The following RPS20 variants were observed in gnomAD, a reference collection of about 807,000 sequenced individuals.
The protein encoded by RPS20 is small ribosomal subunit protein uS10.
In RPS20, 3 loss-of-function variants were observed where a neutral mutation model predicts 15.3. The ratio of observed to expected loss-of-function variants is 0.20; its 90% CI spans 0.09 to 0.51. RPS20 has a LOEUF of 0.51. Among genes scored for constraint, RPS20 ranks in the 20% least tolerant of loss-of-function variants. The pLI, the probability that RPS20 is intolerant of heterozygous loss-of-function variation, is 0.96. For missense variants in RPS20, 67 were observed against 145.9 expected (o/e 0.46, Z 2.79); for synonymous variants, 62 against 47.8 (o/e 1.30, Z -1.23).
At position 56,073,697 on chromosome 8, in the gene RPS20, T is replaced by C; in HGVS notation, c.175A>G (p.Lys59Glu). 1 of 1,613,296 alleles carries C rather than the reference T, an allele frequency of 6.2e-7. No individual in the cohort carries two copies. The highest frequency in any genetic ancestry group is 8.5e-7 in the Non-Finnish European group (1 of 1,179,390). ...KVKGPVRMPT[K>E]TLRITTRKTP... ...CCTGCCCCTCCGATTTACTTTACCT[T>C]GGTAGGCATTCGAACTGGTCCTTTC... The change falls in exon 3 of 4, where the codon AAG becomes GAG. Residue 59 changes from lysine to glutamate, a missense_variant and splice_region_variant. By Grantham distance (56) the Lys-to-Glu change is moderately conservative. Coordinates refer to ENST00000009589, the MANE Select transcript of RPS20 (RefSeq NM_001023.4).
At chr8:56,072,548 T>TCC (rs148676649), downstream of RPS20, among the ~76,000 whole-genome samples, 116 of 95,970 alleles carry the variant, frequency 1.2e-3, no homozygotes, top group Non-Finnish European at 1.2e-3. Context: ...CAAAACGCCG[T>TCC]CCCCCCCCCC....
chr8:56,073,823 G>A (rs993306716), intron 2 of RPS20, 55 bp from the exon 3 acceptor site: 20 of 1,494,160 alleles, frequency 1.3e-5, no homozygotes, highest in South Asian at 7.9e-5. Context: ...ATCGGCTTAA[G>A]GCCTTCACTT....
Position 56,074,405 on chromosome 8 carries a change from TGACC to T in RPS20, c.-26_-23del. The T allele has an allele frequency of 6.4e-7, 1 of 1,556,720 alleles. No individual in the cohort carries two copies. The highest frequency in any genetic ancestry group is 8.6e-7 in the Non-Finnish European group (1 of 1,157,072). On this transcript the variant is annotated 5_prime_UTR_variant, in exon 1 of 4. Coordinates refer to ENST00000009589, the MANE Select transcript of RPS20 (RefSeq NM_001023.4). ...CCATGGCTGTTGCGCGCGGGCTTCC[TGACC>T]GACTTGTTCCTCGGCGAGAGCGAAC... is the stretch of plus-strand genomic sequence containing the variant.
chr8:56,073,529 CT>C, intron 3 of RPS20, 165 bp downstream of exon 3: 4 of 673,520 alleles, frequency 5.9e-6, no homozygotes, highest in Non-Finnish European at 8.0e-6. Flanking sequence ...ACAATCATAT[CT>C]AAACATTAGC....
downstream of RPS20, among the ~76,000 whole-genome samples, chr8:56,071,527 A>C (rs1397953115): frequency 3.9e-5 from 6 of 152,230 alleles, no homozygotes; most frequent in Admixed American, 1.3e-4. Flanking sequence ...TAGACTCAGA[A>C]GGAATTGGAT....
downstream of RPS20, chr8:56,068,416 T>C (rs1809664573): frequency 6.6e-6 from 1 of 151,594 alleles, no homozygotes; most frequent in Non-Finnish European, 1.5e-5. Context: ...TGCACACCTG[T>C]AGTCTCAGCT....
In RPS20 at chr8:56,074,044, T is replaced by C. The variant is rs568893247; in HGVS notation, c.103+16A>G. On this transcript the variant is annotated intron_variant, in intron 2 of 3. Coordinates refer to ENST00000009589, the MANE Select transcript of RPS20 (RefSeq NM_001023.4). Reference sequence around the variant, plus strand: ...CGCCCAATTCCCCCTCCCCCCCGCATAACGAATGCACTGACCCTTTTCCAA... The same window carrying C: ...CGCCCAATTCCCCCTCCCCCCCGCACAACGAATGCACTGACCCTTTTCCAA... 1.3e-6 allele frequency: 2 copies of C among 1,589,452 alleles called. No homozygotes were observed. The highest frequency in any genetic ancestry group is 2.2e-5 in the East Asian group (1 of 44,732).
chr8:56,072,850 T>C (rs1057428988), downstream of RPS20: 9 of 1,214,322 alleles, frequency 7.4e-6, no homozygotes, highest in East Asian at 3.8e-5. Flanking sequence ...GCCAAAGTTA[T>C]AAACTGCCAG....
chr8:56,069,729 A>T, downstream of RPS20: 3 of 1,551,396 alleles, frequency 1.9e-6, no homozygotes, highest in African/African-American at 1.4e-5. Context: ...TTGGCGGAGG[A>T]GAATGCAGTT....
At position 56,073,290 on chromosome 8, in the gene RPS20, G is replaced by C. The variant is rs753827762; in HGVS notation, c.178-18C>G. 6.7e-7 allele frequency: 1 copy of C among 1,502,014 alleles called. No individual in the cohort carries two copies. The highest frequency in any genetic ancestry group is 9.2e-7 in the Non-Finnish European group (1 of 1,081,094). 93.0% of individuals were successfully genotyped at this position (1,502,014 alleles called of 1,614,324 possible). ...CTCAAAGTCTGTAACAAAAGACAAA[G>C]GAAACCAAGTGTTTATCGTTTTATA... On this transcript the variant is annotated intron_variant, in intron 3 of 3. Transcript: ENST00000009589.
downstream of RPS20, among the ~76,000 whole-genome samples, chr8:56,070,967 C>A (rs187629845): frequency 6.6e-6 from 1 of 152,168 alleles, no homozygotes; most frequent in African/African-American, 2.4e-5. Flanking sequence ...TTTAATCTAT[C>A]CTGAATTCCC....
At chr8:56,070,222 G>A (rs984257447), downstream of RPS20, among the ~76,000 whole-genome samples, 2 of 152,110 alleles carry the variant, frequency 1.3e-5, no homozygotes, top group African/African-American at 4.8e-5. Flanking sequence ...CAGAGACAGT[G>A]AACACCCATA....
downstream of RPS20, among the ~76,000 whole-genome samples, chr8:56,069,483 G>A (rs4276661): frequency 0.041 from 6,240 of 152,146 alleles, 432 homozygotes; most frequent in African/African-American, 0.14. Context: ...ATTTTTAGTA[G>A]AGGCAGGGTT....
downstream of RPS20, among the ~76,000 whole-genome samples, chr8:56,068,807 CTTTTTTTTTTTTTTTTT>C (rs61576194): frequency 0.012 from 323 of 27,698 alleles, 2 homozygotes; most frequent in South Asian, 0.039. Context: ...GTGAAAATAT[CTTTTTTTTTTTTTTTTT>C]TTTTTTTTTT....
chr8:56,073,530 T>G (rs2085221364), intron 3 of RPS20, 165 bp downstream of exon 3: 1 of 675,182 alleles, frequency 1.5e-6, no homozygotes, highest in Non-Finnish European at 2.7e-6. Context: ...CAATCATATC[T>G]AAACATTAGC....
downstream of RPS20, among the ~76,000 whole-genome samples, chr8:56,071,867 G>A (rs1322142543): frequency 6.6e-6 from 1 of 152,196 alleles, no homozygotes; most frequent in East Asian, 1.9e-4. Flanking sequence ...TTAACAATTT[G>A]TAGATGTTCC....
In RPS20 at chr8:56,073,870, T is replaced by G. The variant is rs1192649312; in HGVS notation, c.104-102A>C. The G allele has an allele frequency of 7.6e-6, 9 of 1,180,668 alleles. No individual in the cohort carries two copies. In the African/African-American group the frequency reaches 1.3e-4, roughly 18 times the overall value. The allele number at this position is 1,180,668 out of a possible 1,614,324, so 73.1% of individuals were successfully genotyped here. On this transcript the variant is annotated intron_variant, in intron 2 of 3. Coordinates refer to ENST00000009589, the MANE Select transcript of RPS20 (RefSeq NM_001023.4). Reference sequence around the variant, plus strand: ...GAATAGCGTATAAAATTATCACCGTTACTCAACACAATAGGTACCTCCTCA... The same window carrying G: ...GAATAGCGTATAAAATTATCACCGTGACTCAACACAATAGGTACCTCCTCA...
At chr8:56,073,633 A>G (rs1479610964) in intron 3 of RPS20, 62 bp downstream of exon 3, 1 of 1,406,598 alleles carries the variant, frequency 7.1e-7, no homozygotes, top group Non-Finnish European at 1.0e-6. Flanking sequence ...CTCCTTAAAG[A>G]ACCTGAATTT....
chr8:56,067,548 T>A (rs1159207966), exon 6 of RPS20: 2 of 151,978 alleles, frequency 1.3e-5, no homozygotes, highest in Non-Finnish European at 2.9e-5. Flanking sequence ...TAGCCGGGTT[T>A]AGTGGTGGGC....
Sources: allele counts gnomAD v4.1 joint callset (sites outside exome capture counted in the v4.1 genomes callset), GRCh38; gene constraint gnomAD v4.1.1; transcripts MANE v1.5; gene names NCBI Gene and HGNC (gene_info 2026-07-23, HGNC 2026-07-21).